The following FZR1 variants were observed in gnomAD, a reference collection of about 807,000 sequenced individuals.
The protein encoded by FZR1 is fizzy-related protein homolog.
FZR1 carries 11 observed loss-of-function variants against 63.6 expected under a neutral mutation model. The ratio of observed to expected loss-of-function variants is 0.17; its 90% CI spans 0.11 to 0.29. The LOEUF is 0.29. Among genes scored for constraint, FZR1 ranks in the 10% least tolerant of loss-of-function variants. The pLI, the probability that FZR1 is intolerant of heterozygous loss-of-function variation, is 1.00. For missense variants in FZR1, 440 were observed against 687.5 expected (o/e 0.64, Z 4.03); for synonymous variants, 328 against 297.9 (o/e 1.10, Z -1.04).
chr19:3,521,063 G>A (rs537183646), intron 1 of FZR1, among the ~76,000 whole-genome samples: 16 of 152,330 alleles, frequency 1.1e-4, no homozygotes, highest in Admixed American at 7.2e-4. Flanking sequence ...TGGCTGGGTC[G>A]TGTTCTGGCG....
chr19:3,509,696 C>T (rs1477860486), intron 1 of FZR1, among the ~76,000 whole-genome samples: 1 of 152,194 alleles, frequency 6.6e-6, no homozygotes, highest in Non-Finnish European at 1.5e-5. Context: ...GAAATGGAAT[C>T]CCACATTGTG....
intron 10 of FZR1, 54 bp downstream of exon 10, chr19:3,532,149 A>G: frequency 2.1e-6 from 3 of 1,420,222 alleles, no homozygotes; most frequent in South Asian, 1.4e-5. Context: ...CACCCCTCAC[A>G]CTGGCAGGAA....
At chr19:3,520,053 G>T (rs2083087900) in intron 1 of FZR1, among the ~76,000 whole-genome samples, 1 of 152,226 alleles carries the variant, frequency 6.6e-6, no homozygotes, top group East Asian at 1.9e-4. Flanking sequence ...CTTTCCTGGG[G>T]CTCAGGTCTC....
rs1381977810 is a variant in FZR1, at chr19:3,516,830, T to C, written c.-34-6126T>C. The stretch of plus-strand genomic sequence containing the variant: ...TGCCCACCTGGCAACGTTTGGGCCA[T>C]TGGCTCACGGCGTCTCTGTTGCCCC... On this transcript the variant is annotated intron_variant, in intron 1 of 13. Coordinates refer to ENST00000441788, the MANE Select transcript of FZR1 (RefSeq NM_016263.4). This position sits in a 1 kb window ranked among gnomAD's most constrained non-coding sequence, Gnocchi z 6.0. Among the ~76,000 whole-genome samples, 1 of 152,214 alleles carries C rather than the reference T, an allele frequency of 6.6e-6. No homozygotes were observed. Among genetic ancestry groups the C allele is most frequent in the African/African-American group, 2.4e-5 (1 of 41,462 alleles).
At chr19:3,532,381 T>G in intron 10 of FZR1, 36 bp from the exon 11 acceptor site, 1 of 1,521,904 alleles carries the variant, frequency 6.6e-7, no homozygotes, top group Non-Finnish European at 8.9e-7. Context: ...ACCACAGGGC[T>G]GGGACAGCCC....
chr19:3,515,240 C>T lies in FZR1; in HGVS notation c.-34-7716C>T, dbSNP rs566721807. Reference sequence around the variant, plus strand: ...GGTCCGGGTTGCTGCTAAACTCCCTCGACCCGGTCTGAGCCTTTCCACACG... The same window carrying T: ...GGTCCGGGTTGCTGCTAAACTCCCTTGACCCGGTCTGAGCCTTTCCACACG... On this transcript the variant is annotated intron_variant, in intron 1 of 13. Transcript: ENST00000441788. The surrounding 1 kb of genome is among the most constrained non-coding windows in gnomAD (Gnocchi z 4.6). 4.6e-5 allele frequency among the ~76,000 whole-genome samples: 7 copies of T among 152,348 alleles called. No individual in the cohort carries two copies. Among genetic ancestry groups the T allele is most frequent in the African/African-American group, 9.6e-5 (4 of 41,578 alleles).
chr19:3,522,908 G>T (rs1050988839), intron 1 of FZR1, 48 bp from the exon 2 acceptor site: 3 of 973,350 alleles, frequency 3.1e-6, no homozygotes, highest in Non-Finnish European at 5.0e-6. Flanking sequence ...CGTGGTCTCC[G>T]GGCAGCCGGC....
chr19:3,529,731 GGAGA>G (rs1465427833), intron 7 of FZR1, among the ~76,000 whole-genome samples: 1 of 144,636 alleles, frequency 6.9e-6, no homozygotes, highest in African/African-American at 2.6e-5. Context: ...AGAGTGGATG[GGAGA>G]GTGGATGGGT....
In FZR1 at chr19:3,522,981, T is replaced by C; in HGVS notation, c.-9T>C. On this transcript the variant is annotated 5_prime_UTR_variant, in exon 2 of 14. Coordinates refer to ENST00000441788, the MANE Select transcript of FZR1 (RefSeq NM_016263.4). ...GCTAACCTTGCCGCGGGCCGAGCCC[T>C]GCCTCGCCATGGACCAGGACTATGA... 6.2e-7 allele frequency: 1 copy of C among 1,606,532 alleles called. No homozygotes were observed. The highest frequency in any genetic ancestry group is 8.5e-7 in the Non-Finnish European group (1 of 1,174,184).
At chr19:3,508,417 A>G (rs1385308601) in intron 1 of FZR1, among the ~76,000 whole-genome samples, 1 of 151,118 alleles carries the variant, frequency 6.6e-6, no homozygotes, top group Non-Finnish European at 1.5e-5. Context: ...CTGGTCTCCA[A>G]CTCCTGACCT....
Position 3,533,069 on chromosome 19 carries a change from G to T in FZR1, c.1243-225G>T, listed in dbSNP as rs1420518633. Among the ~76,000 whole-genome samples the T allele has an allele frequency of 6.6e-6, 1 of 152,148 alleles. No individual in the cohort carries two copies. The highest frequency in any genetic ancestry group is 1.5e-5 in the Non-Finnish European group (1 of 68,012). Reference sequence around the variant, plus strand: ...GGCTGTGGGCCCCGTTTGGGTCCTTGTTGGGCTCCAGCCTTTGGCGGTGGG... The same window carrying T: ...GGCTGTGGGCCCCGTTTGGGTCCTTTTTGGGCTCCAGCCTTTGGCGGTGGG... On this transcript the variant is annotated intron_variant, in intron 11 of 13. Transcript: ENST00000441788. This position sits in a 1 kb window ranked among gnomAD's most constrained non-coding sequence, Gnocchi z 4.9.
At chr19:3,521,506 C>CT (rs60474623) in intron 1 of FZR1, among the ~76,000 whole-genome samples, 6,031 of 143,782 alleles carry the variant, frequency 0.042, 348 homozygotes, top group African/African-American at 0.13. Context: ...GAACTGTACG[C>CT]TTTTTTTTTT....
chr19:3,534,883 A>G lies in FZR1; in HGVS notation c.*47A>G. On this transcript the variant is annotated 3_prime_UTR_variant, in exon 14 of 14. Coordinates refer to ENST00000441788, the MANE Select transcript of FZR1 (RefSeq NM_016263.4). ...CACACCAGCTGTCCAGAGTCGGAGGACCCCAGCTCCTCAGCTTGCATGGAC... is the reference window on the plus strand; with the variant it reads ...CACACCAGCTGTCCAGAGTCGGAGGGCCCCAGCTCCTCAGCTTGCATGGAC... The G allele has an allele frequency of 1.3e-6, 2 of 1,486,062 alleles. No homozygotes were observed. Among genetic ancestry groups the G allele is most frequent in the Non-Finnish European group, 1.9e-6 (2 of 1,067,140 alleles). 92.1% of individuals were successfully genotyped at this position (1,486,062 alleles called of 1,614,324 possible).
chr19:3,508,441 C>T lies in FZR1; in HGVS notation c.-35+1967C>T, dbSNP rs549548771. 1.1e-3 allele frequency among the ~76,000 whole-genome samples: 167 copies of T among 152,256 alleles called. 1 individual carries two copies. The South Asian group carries it at 0.023, about 21-fold the overall frequency. ...AACTCCTGACCTCAGGCGATCTGCC[C>T]GCCTCGAGGCCTCCCAAAGTGCTGT... On this transcript the variant is annotated intron_variant, in intron 1 of 13. Transcript: ENST00000441788.
At chr19:3,534,767 C>T (rs774153568) in intron 13 of FZR1, 28 bp from the exon 14 acceptor site, 75 of 1,607,202 alleles carry the variant, frequency 4.7e-5, no homozygotes, top group Non-Finnish European at 6.0e-5. Context: ...TGCGGCTCAG[C>T]GCATCTGCCA....
rs375790399 is a variant in FZR1, at chr19:3,534,547, C to CGCCCCA, written c.1440+38_1440+43dup. 2.4e-5 allele frequency: 33 copies of CGCCCCA among 1,392,910 alleles called. No homozygotes were observed. In the African/African-American group the frequency reaches 3.2e-4, roughly 14 times the overall value. The allele number at this position is 1,392,910 out of a possible 1,614,324, so 86.3% of individuals were successfully genotyped here. ...GGTCGGTATCAGCGCCACTCGCCCCCGCCCCAGCCTGTCCCAGGGTCGTCC... is the reference window on the plus strand; with the variant it reads ...GGTCGGTATCAGCGCCACTCGCCCCCGCCCCAGCCCCAGCCTGTCCCAGGGTCGTCC... On this transcript the variant is annotated intron_variant, in intron 13 of 13. Coordinates refer to ENST00000441788, the MANE Select transcript of FZR1 (RefSeq NM_016263.4).
Position 3,532,629 on chromosome 19 carries a change from G to A in FZR1, c.1221G>A (p.Trp407Ter), listed in dbSNP as rs1291918470. The stretch of plus-strand genomic sequence containing the variant: ...GCTCCCAAGTGTGCAATCTGGCCTG[G>A]TCCAAGCACGCCAACGAGCTGGTGA... ...DTGSQVCNLA[W>*]SKHANELVST... is the part of the protein sequence containing the mutation. Residue 407 changes from tryptophan to a stop codon, truncating the protein, a stop_gained, in exon 11 of 14, where the codon TGG (tryptophan) becomes TGA (stop). Coordinates refer to ENST00000441788, the MANE Select transcript of FZR1 (RefSeq NM_016263.4). LOFTEE classifies it high-confidence loss of function. 1 of 1,612,220 alleles carries A rather than the reference G, an allele frequency of 6.2e-7. No individual in the cohort carries two copies. Among genetic ancestry groups the A allele is most frequent in the Non-Finnish European group, 8.5e-7 (1 of 1,179,572 alleles).
chr19:3,508,179 A>G (rs2082999057), intron 1 of FZR1, among the ~76,000 whole-genome samples: 1 of 146,326 alleles, frequency 6.8e-6, no homozygotes, highest in African/African-American at 2.5e-5. Flanking sequence ...TTGGTCTTCA[A>G]GGTGGGGCTA....
rs888235823 is a variant in FZR1 at position 3,516,972 on chromosome 19, C to G, written c.-34-5984C>G. 6.6e-6 allele frequency among the ~76,000 whole-genome samples: 1 copy of G among 152,260 alleles called. No homozygotes were observed. Among genetic ancestry groups the G allele is most frequent in the Non-Finnish European group, 1.5e-5 (1 of 68,044 alleles). ...TTCAGTGCTGACTTCAGGGCAGCAT[C>G]AGTGTTCTGGGGAAGTGGGGGATGA... On this transcript the variant is annotated intron_variant, in intron 1 of 13. Transcript: ENST00000441788. The surrounding 1 kb of genome is among the most constrained non-coding windows in gnomAD (Gnocchi z 6.0).
Sources: allele counts gnomAD v4.1 joint callset (sites outside exome capture counted in the v4.1 genomes callset), GRCh38; gene constraint gnomAD v4.1.1; non-coding constraint Gnocchi (gnomAD v3.1); transcripts MANE v1.5; gene names NCBI Gene and HGNC (gene_info 2026-07-23, HGNC 2026-07-21).